Variants in ADAMTSL1 observed in about 807,000 individuals in gnomAD.
ADAMTSL1 encodes the protein ADAMTS like 1, also known as ADAMTS-like protein 1.
Under a neutral mutation model 201.8 loss-of-function variants are expected in ADAMTSL1, and 126 were observed. The observed-to-expected ratio is 0.62, with a 90% CI of 0.54 to 0.72. The LOEUF is 0.72. ADAMTSL1 is among the 30% of genes least tolerant of loss of function. The pLI is 0.00. For missense variants in ADAMTSL1, 2,679 were observed against 2,277.8 expected, an observed-to-expected ratio of 1.18 and a Z score of -3.59; for synonymous variants, 1,121 against 903.4, an observed-to-expected ratio of 1.24 and a Z score of -4.32.
chr9:18,582,207 A>G lies in ADAMTSL1; in HGVS notation c.474+7941A>G, dbSNP rs529869694. ...GCCCTGTTACCAGAGCACACTACCT[A>G]AATAAGCTGAAAATGTTTCAAATAA... On this transcript the variant is annotated intron_variant, in intron 4 of 28. Transcript: ENST00000380548. Among the ~76,000 whole-genome samples the G allele has an allele frequency of 5.9e-5, 9 of 152,264 alleles. No homozygotes were observed. In the South Asian group the frequency reaches 1.9e-3, roughly 32 times the overall value.
chr9:18,023,543 C>A (rs963834063), intron 1 of ADAMTSL1, among the ~76,000 whole-genome samples: 3 of 152,158 alleles, frequency 2.0e-5, no homozygotes, highest in African/African-American at 4.8e-5. Context: ...AAATGCCCTG[C>A]GTCTGACTCA....
At chr9:18,522,585 C>A (rs1818766344) in intron 2 of ADAMTSL1, among the ~76,000 whole-genome samples, 1 of 130,288 alleles carries the variant, frequency 7.7e-6, no homozygotes. Context: ...TGCTATCCCG[C>A]CCCCCTCCCC....
intron 3 of ADAMTSL1, among the ~76,000 whole-genome samples, chr9:18,542,263 A>G (rs898440460): frequency 1.3e-5 from 2 of 152,208 alleles, no homozygotes; most frequent in Non-Finnish European, 1.5e-5. Flanking sequence ...TTTGAAACAA[A>G]GAAAAAAAAT....
chr9:18,897,936 G>C (rs981876574), intron 26 of ADAMTSL1, among the ~76,000 whole-genome samples: 3 of 151,960 alleles, frequency 2.0e-5, no homozygotes, highest in Non-Finnish European at 4.4e-5. Context: ...CCAGCATTTT[G>C]GGAGGCCGAC....
chr9:18,031,637 G>T (rs1221915572), intron 1 of ADAMTSL1, among the ~76,000 whole-genome samples: 1 of 152,114 alleles, frequency 6.6e-6, no homozygotes, highest in African/African-American at 2.4e-5. Context: ...AGAGATACCT[G>T]CCCCCACCCA....
intron 2 of ADAMTSL1, among the ~76,000 whole-genome samples, chr9:18,410,335 C>T (rs9407909): frequency 6.6e-6 from 1 of 151,848 alleles, no homozygotes; most frequent in South Asian, 2.1e-4. Flanking sequence ...TCCATTAGCT[C>T]TTCTTCCTGA....
At chr9:18,141,914 C>G (rs1826413103) in intron 1 of ADAMTSL1, among the ~76,000 whole-genome samples, 1 of 152,196 alleles carries the variant, frequency 6.6e-6, no homozygotes, top group Admixed American at 6.5e-5. Context: ...TTTTCTAAGT[C>G]TACATCTTCT....
intron 2 of ADAMTSL1, among the ~76,000 whole-genome samples, chr9:18,338,919 C>G (rs953203191): frequency 4.6e-5 from 7 of 152,124 alleles, no homozygotes; most frequent in Non-Finnish European, 4.4e-5. Flanking sequence ...GATATGGCCT[C>G]CAGATCCAAC....
At chr9:18,756,105 ATATATATATATATATATAC>A (rs1819742397) in intron 16 of ADAMTSL1, among the ~76,000 whole-genome samples, 1 of 78,274 alleles carries the variant, frequency 1.3e-5, no homozygotes. Flanking sequence ...ATATATATAT[ATATATATATATATATATAC>A]AAAAATTAGC....
chr9:18,015,765 C>A (rs1586898910), intron 1 of ADAMTSL1, among the ~76,000 whole-genome samples: 2 of 151,950 alleles, frequency 1.3e-5, no homozygotes, highest in South Asian at 4.1e-4. Context: ...ATTGGAAACA[C>A]CTATGATTTC....
At chr9:18,451,430 G>C (rs909524601) in intron 2 of ADAMTSL1, among the ~76,000 whole-genome samples, 4 of 152,158 alleles carry the variant, frequency 2.6e-5, no homozygotes, top group African/African-American at 7.2e-5. Flanking sequence ...TCTAAATATG[G>C]TTATGTGTAC....
intron 1 of ADAMTSL1, among the ~76,000 whole-genome samples, chr9:18,133,719 G>T (rs72699483): frequency 0.038 from 5,787 of 152,110 alleles, 151 homozygotes; most frequent in Non-Finnish European, 0.061. Flanking sequence ...TCTTAGCCCT[G>T]TTCATGGATC....
chr9:18,150,594 A>G (rs1167027251), intron 1 of ADAMTSL1, among the ~76,000 whole-genome samples: 3 of 152,048 alleles, frequency 2.0e-5, no homozygotes, highest in Non-Finnish European at 1.5e-5. Context: ...AGGAACAGGA[A>G]CACAATGTGG....
intron 1 of ADAMTSL1, among the ~76,000 whole-genome samples, chr9:18,120,213 G>GT (rs150906217): frequency 0.02 from 3,035 of 152,264 alleles, 99 homozygotes; most frequent in African/African-American, 0.069. Context: ...GGAGGCCTCA[G>GT]TTTTTTACCA....
At chr9:18,416,769 A>G (rs572941954) in intron 2 of ADAMTSL1, among the ~76,000 whole-genome samples, 1 of 152,152 alleles carries the variant, frequency 6.6e-6, no homozygotes, top group South Asian at 2.1e-4. Context: ...GAGCTTCTAA[A>G]TGCTTAAAGC....
rs147093742 is a variant in ADAMTSL1 at position 18,509,337 on chromosome 9, T to C, written c.191+4381T>C. On this transcript the variant is annotated intron_variant, in intron 2 of 28. Coordinates refer to ENST00000380548, the MANE Select transcript of ADAMTSL1 (RefSeq NM_001040272.6). ...CCTCAACAACTGGTTCTATCTATTC[T>C]AGTACCAGCAAGAATTTATTAGTTT... Among the ~76,000 whole-genome samples the C allele has an allele frequency of 5.3e-4, 81 of 151,870 alleles. No individual in the cohort carries two copies. In the East Asian group the frequency reaches 0.014, roughly 26 times the overall value.
At chr9:18,613,113 G>A (rs1457777161) in intron 4 of ADAMTSL1, among the ~76,000 whole-genome samples, 2 of 152,152 alleles carry the variant, frequency 1.3e-5, no homozygotes. Context: ...TGGAAAAAAA[G>A]CTCAACATCA....
chr9:18,782,793 G>A (rs1158993613), intron 19 of ADAMTSL1, among the ~76,000 whole-genome samples: 1 of 152,212 alleles, frequency 6.6e-6, no homozygotes, highest in East Asian at 1.9e-4. Flanking sequence ...ATGTGAGGAG[G>A]AAGAACACTC....
At chr9:17,971,751 C>G (rs2131428617) in intron 1 of ADAMTSL1, among the ~76,000 whole-genome samples, 1 of 151,964 alleles carries the variant, frequency 6.6e-6, no homozygotes, top group South Asian at 2.1e-4. Flanking sequence ...TTGAAGATGC[C>G]TGTCCAAAAG....
Sources: gnomAD v4.1 joint callset for allele counts (sites outside exome capture counted in the v4.1 genomes callset) on GRCh38, gnomAD v4.1.1 for gene constraint, MANE v1.5 for transcripts, NCBI Gene and HGNC (gene_info 2026-07-23, HGNC 2026-07-21) for gene names.